The following AFF1 variants were observed in gnomAD, a reference collection of about 807,000 sequenced individuals.
AFF1 encodes AF4/FMR2 family member 1.
Under a neutral mutation model 121.7 loss-of-function variants are expected in AFF1, and 48 were observed. That is an observed-to-expected ratio of 0.39 (90% confidence interval 0.31 to 0.50). The LOEUF (loss-of-function observed/expected upper bound fraction) is 0.50, where lower values mean the gene tolerates loss of function less well. AFF1 is among the 20% of genes least tolerant of loss of function. The pLI is 0.76. For missense variants in AFF1, 1,523 were observed against 1,511.7 expected (o/e 1.01, Z -0.12); for synonymous variants, 613 against 563.0 (o/e 1.09, Z -1.26).
At chr4:87,134,954 T>A (rs1267386538) in intron 20 of AFF1, among the ~76,000 whole-genome samples, 1 of 152,234 alleles carries the variant, frequency 6.6e-6, no homozygotes, top group Non-Finnish European at 1.5e-5. Context: ...CTTCTGAAGC[T>A]CTGCTGTCAT....
At chr4:87,134,747 A>G (rs945104086) in intron 20 of AFF1, 53 bp downstream of exon 20, 1 of 1,430,142 alleles carries the variant, frequency 7.0e-7, no homozygotes, top group Non-Finnish European at 9.7e-7. Flanking sequence ...ATTGGGAGGA[A>G]TAAACATTGG....
chr4:87,101,504 A>G (rs1253446060), intron 8 of AFF1, among the ~76,000 whole-genome samples: 2 of 151,988 alleles, frequency 1.3e-5, no homozygotes, highest in Non-Finnish European at 2.9e-5. Flanking sequence ...TTGAACCTGG[A>G]CGGCGAAGAG....
chr4:87,009,533 GGAACTAGGAA>G (rs1420383507), intron 2 of AFF1, among the ~76,000 whole-genome samples: 1 of 152,160 alleles, frequency 6.6e-6, no homozygotes, highest in African/African-American at 2.4e-5. Context: ...GACATGCCCT[GGAACTAGGAA>G]CAAAGCCACA....
chr4:87,089,971 A>C lies in AFF1; in HGVS notation c.1105-13A>C. 1 of 1,607,778 alleles carries C rather than the reference A, an allele frequency of 6.2e-7. No homozygotes were observed. The highest frequency in any genetic ancestry group is 8.5e-7 in the Non-Finnish European group (1 of 1,174,918). On this transcript the variant is annotated splice_polypyrimidine_tract_variant and intron_variant, in intron 5 of 20. Transcript: ENST00000395146. The stretch of plus-strand genomic sequence containing the variant: ...TAATTTACTTTTTCTTCCCTTTCCA[A>C]ATATCTTTCCAGGAAATGACCCATT...
intron 2 of AFF1, among the ~76,000 whole-genome samples, chr4:87,013,067 G>T: frequency 9.7e-6 from 1 of 103,012 alleles, no homozygotes; most frequent in Non-Finnish European, 1.8e-5. Context: ...TTGGGAGACG[G>T]AGTTTCGCTC....
chr4:86,970,295 G>A (rs1417367934), intron 2 of AFF1, among the ~76,000 whole-genome samples: 1 of 152,000 alleles, frequency 6.6e-6, no homozygotes, highest in Non-Finnish European at 1.5e-5. Context: ...CCAGACCAGC[G>A]TGGGTAACAT....
chr4:87,029,717 G>A (rs940934665), intron 2 of AFF1, among the ~76,000 whole-genome samples: 3 of 152,132 alleles, frequency 2.0e-5, no homozygotes, highest in South Asian at 4.1e-4. Flanking sequence ...ATAAAGAATT[G>A]TAGTGTTAAG....
At chr4:87,125,932 A>C (rs141556671) in intron 13 of AFF1, among the ~76,000 whole-genome samples, 167 bp from the exon 14 acceptor site, 2 of 152,334 alleles carry the variant, frequency 1.3e-5, no homozygotes, top group East Asian at 3.9e-4. Context: ...GGGTAGGGCT[A>C]GATTTTTGAA....
At position 87,041,643 on chromosome 4, in the gene AFF1, C is replaced by T. The variant is rs143781805; in HGVS notation, c.39-4523C>T. Among the ~76,000 whole-genome samples the T allele has an allele frequency of 5.6e-3, 853 of 151,726 alleles. 6 individuals carry two copies. Among genetic ancestry groups the T allele is most frequent in the Middle Eastern group, 0.014 (4 of 294 alleles). ...GAATGGCCAGGCTGATGTTGGGATA[C>T]ATTTTTCCTTAACACAGGACTGGAA... is the stretch of plus-strand genomic sequence containing the variant. On this transcript the variant is annotated intron_variant, in intron 2 of 20. Transcript: ENST00000395146.
intron 4 of AFF1, among the ~76,000 whole-genome samples, chr4:87,072,157 A>G (rs755583699): frequency 6.6e-6 from 1 of 152,144 alleles, no homozygotes; most frequent in Non-Finnish European, 1.5e-5. Flanking sequence ...AAGTCAGGAG[A>G]TCTAGACCAT....
intron 4 of AFF1, among the ~76,000 whole-genome samples, chr4:87,060,894 G>T (rs976767310): frequency 4.2e-5 from 6 of 143,520 alleles, no homozygotes; most frequent in Non-Finnish European, 9.3e-5. Context: ...CAAAAAAACG[G>T]AATTATTGAC....
Position 87,125,025 on chromosome 4 carries a change from A to G in AFF1, c.2467-12A>G, listed in dbSNP as rs751394263. On this transcript the variant is annotated splice_polypyrimidine_tract_variant and intron_variant, in intron 12 of 20. Coordinates refer to ENST00000395146, the MANE Select transcript of AFF1 (RefSeq NM_001166693.3). ...TTGGTAATAATTTGCTTTGCTGATT[A>G]TACTGTAATAGGGTGAAGCAGAAAG... 3.8e-6 allele frequency: 6 copies of G among 1,571,196 alleles called. No homozygotes were observed. The highest frequency in any genetic ancestry group is 4.3e-6 in the Non-Finnish European group (5 of 1,158,976).
chr4:87,085,700 A>G lies in AFF1; in HGVS notation c.1104+1536A>G, dbSNP rs562028186. Among the ~76,000 whole-genome samples the G allele has an allele frequency of 7.4e-5, 11 of 149,174 alleles. No individual in the cohort carries two copies. In the East Asian group the frequency reaches 2.2e-3, roughly 30 times the overall value. ...TTTTTGTTTCACAGTCTTTTGTCCC[A>G]TTTTGTAGTTAGGGTTTTCTGAGAA... On this transcript the variant is annotated intron_variant, in intron 5 of 20. Transcript: ENST00000395146.
At chr4:87,015,955 CGGATCACCTGAGGTCAGGAGTTT>C (rs1727248451) in intron 2 of AFF1, among the ~76,000 whole-genome samples, 1 of 152,124 alleles carries the variant, frequency 6.6e-6, no homozygotes, top group Non-Finnish European at 1.5e-5. Flanking sequence ...CCCAGGCAGG[CGGATCACCTGAGGTCAGGAGTTT>C]GAGAGCAGCC....
chr4:87,099,504 G>A (rs1725206822), intron 8 of AFF1, among the ~76,000 whole-genome samples: 1 of 152,200 alleles, frequency 6.6e-6, no homozygotes. Context: ...CACCTTCTGG[G>A]TTCAAGCAAT....
intron 2 of AFF1, among the ~76,000 whole-genome samples, chr4:86,990,193 C>T (rs1724594253): frequency 6.6e-6 from 1 of 150,942 alleles, no homozygotes; most frequent in African/African-American, 2.4e-5. Context: ...TAATAATAGA[C>T]TGAAACTGGC....
intron 4 of AFF1, chr4:87,049,672 T>C (rs763154171): frequency 2.2e-6 from 1 of 456,292 alleles, no homozygotes; most frequent in South Asian, 1.5e-5. Context: ...TTTCCTTTAA[T>C]GCGGTGGTTC....
intron 1 of AFF1, among the ~76,000 whole-genome samples, 156 bp from the exon 2 acceptor site, chr4:86,948,342 A>G (rs1432531010): frequency 1.3e-5 from 2 of 152,146 alleles, no homozygotes; most frequent in African/African-American, 4.8e-5. Context: ...TATATACTAG[A>G]TAGTTTGTTC....
intron 2 of AFF1, among the ~76,000 whole-genome samples, chr4:86,986,768 TTAA>T (rs1165133957): frequency 1.3e-5 from 2 of 152,196 alleles, no homozygotes; most frequent in Non-Finnish European, 2.9e-5. Context: ...GGAAATTTTA[TTAA>T]TATTACATTA....
Sources: allele counts gnomAD v4.1 joint callset (sites outside exome capture counted in the v4.1 genomes callset), GRCh38; gene constraint gnomAD v4.1.1; transcripts MANE v1.5; gene names NCBI Gene and HGNC (gene_info 2026-07-23, HGNC 2026-07-21).